The following RBM6 variants were observed in gnomAD, a reference collection of about 807,000 sequenced individuals.
The protein encoded by RBM6 is RNA-binding protein 6.
A neutral mutation model predicts 140.4 loss-of-function variants in RBM6; 23 were observed. The observed-to-expected ratio is 0.16, with a 90% CI of 0.12 to 0.23. RBM6 has a LOEUF of 0.23. Ranked by LOEUF, RBM6 falls within the 10% of genes least tolerant of loss-of-function variation. The pLI is 1.00. For synonymous variants in RBM6, 439 were observed against 475.6 expected (o/e 0.92, Z 1.00); for missense variants, 1,139 against 1,386.7 (o/e 0.82, Z 2.84).
Position 49,967,772 on chromosome 3 carries a change from G to C in RBM6, c.347G>C (p.Arg116Thr), listed in dbSNP as rs1384226530. 6.2e-7 allele frequency: 1 copy of C among 1,614,122 alleles called. No homozygotes were observed. Among genetic ancestry groups the C allele is most frequent in the South Asian group, 1.1e-5 (1 of 91,072 alleles). ...QSRDSSQLDF[R>T]GRDIHSGDFR... ...AGAGATTCATCACAGTTGGACTTCAGGGGTAGGGACATACATTCTGGGGAT... is the reference window on the plus strand; with the variant it reads ...AGAGATTCATCACAGTTGGACTTCACGGGTAGGGACATACATTCTGGGGAT... Residue 116 changes from arginine to threonine, a missense_variant, in exon 3 of 21, where the codon AGG (arginine) becomes ACG (threonine). Arg to Thr is a moderately conservative substitution (Grantham distance 71). This residue lies in a region of RBM6 where 566 missense variants were observed against 612.7 expected (regional missense o/e 0.92). Transcript: ENST00000266022. This position sits in a 1 kb window ranked among gnomAD's most constrained non-coding sequence, Gnocchi z 4.0.
At chr3:50,064,550 C>T (rs1023924367) in intron 15 of RBM6, among the ~76,000 whole-genome samples, 1 of 152,084 alleles carries the variant, frequency 6.6e-6, no homozygotes, top group Non-Finnish European at 1.5e-5. Flanking sequence ...CTCTCTCTGT[C>T]ACCCAGGCTG....
In RBM6 at chr3:50,065,136, A is replaced by G. The variant is rs1460503627; in HGVS notation, c.2682+10A>G. ...AGAGAGTCCCCCTCCAGTAAGACCAACATTGATCCCCTGGACCTAGGGCTG... is the reference window on the plus strand; with the variant it reads ...AGAGAGTCCCCCTCCAGTAAGACCAGCATTGATCCCCTGGACCTAGGGCTG... On this transcript the variant is annotated intron_variant, in intron 16 of 20. Coordinates refer to ENST00000266022, the MANE Select transcript of RBM6 (RefSeq NM_005777.3). The G allele has an allele frequency of 1.3e-6, 2 of 1,594,528 alleles. No individual in the cohort carries two copies. Among genetic ancestry groups the G allele is most frequent in the Non-Finnish European group, 1.7e-6 (2 of 1,164,218 alleles).
Position 50,075,245 on chromosome 3 carries a change from AAGG to A in RBM6, c.3165_3167del (p.Gly1056del). The A allele has an allele frequency of 6.2e-7, 1 of 1,614,164 alleles. No homozygotes were observed. The highest frequency in any genetic ancestry group is 8.5e-7 in the Non-Finnish European group (1 of 1,180,016). ...AAAGAAGATATCGACACTAGCAGCA[AAGG>A]AGGCTGTGTCCAACAGGCTACTGGC... On this transcript the variant is annotated inframe_deletion, in exon 20 of 21. Transcript: ENST00000266022.
chr3:49,980,517 T>A (rs1286613088), intron 5 of RBM6, among the ~76,000 whole-genome samples: 1 of 151,242 alleles, frequency 6.6e-6, no homozygotes, highest in Admixed American at 6.6e-5. Context: ...CCCAGCACTT[T>A]GGGAGGCCAA....
chr3:49,999,480 G>A lies in RBM6; in HGVS notation c.1524G>A (p.Leu508=). 6.2e-7 allele frequency: 1 copy of A among 1,613,890 alleles called. No individual in the cohort carries two copies. The highest frequency in any genetic ancestry group is 8.5e-7 in the Non-Finnish European group (1 of 1,179,882). ...ATGTCTGCGTGGAGTTTTCACTCTTGGAAGATGCCATCGGATGCATGGAGG... is the reference window on the plus strand; with the variant it reads ...ATGTCTGCGTGGAGTTTTCACTCTTAGAAGATGCCATCGGATGCATGGAGG... ...YGYVCVEFSL[L]EDAIGCMEAN... is the part of the protein sequence containing the mutation. Residue 508 remains leucine (L), a synonymous_variant, in exon 6 of 21, where the codon TTG becomes TTA. Transcript: ENST00000266022.
intron 6 of RBM6, among the ~76,000 whole-genome samples, chr3:50,035,635 TCA>T (rs2088487669): frequency 6.6e-6 from 1 of 151,630 alleles, no homozygotes; most frequent in Admixed American, 6.6e-5. Context: ...TGAGCTGAGA[TCA>T]TGCCATTGCA....
chr3:50,028,457 C>T (rs1000452400), intron 6 of RBM6, among the ~76,000 whole-genome samples: 1 of 152,158 alleles, frequency 6.6e-6, no homozygotes, highest in Admixed American at 6.5e-5. Flanking sequence ...CAACTGGCAC[C>T]CTTTAAGGCC....
intron 5 of RBM6, among the ~76,000 whole-genome samples, chr3:49,976,329 C>T (rs972258727): frequency 6.6e-6 from 1 of 152,052 alleles, no homozygotes; most frequent in African/African-American, 2.4e-5. Flanking sequence ...AAATTATCCA[C>T]AAAATAAATT....
chr3:50,029,664 C>T (rs1329437625), intron 6 of RBM6, among the ~76,000 whole-genome samples: 3 of 152,096 alleles, frequency 2.0e-5, no homozygotes, highest in Non-Finnish European at 2.9e-5. Context: ...ACCCAGGAGG[C>T]AGAGGTTGCA....
intron 4 of RBM6, among the ~76,000 whole-genome samples, chr3:49,974,357 C>T (rs1385147724): frequency 6.6e-6 from 1 of 151,824 alleles, no homozygotes; most frequent in Non-Finnish European, 1.5e-5. Context: ...TAGGTGTGAG[C>T]CAGTACTCCT....
chr3:49,944,780 A>G (rs887706803), intron 1 of RBM6, among the ~76,000 whole-genome samples: 2 of 149,854 alleles, frequency 1.3e-5, no homozygotes, highest in African/African-American at 2.5e-5. Context: ...CCAGCCACAA[A>G]TATCAAGTCT....
intron 6 of RBM6, among the ~76,000 whole-genome samples, chr3:50,000,370 CACTGCCTAT>C (rs140464237): frequency 0.029 from 4,338 of 147,130 alleles, 257 homozygotes; most frequent in African/African-American, 0.11. Context: ...TTAATGTACC[CACTGCCTAT>C]ACTTAACAGT....
At chr3:49,955,588 A>G (rs902166506) in intron 1 of RBM6, among the ~76,000 whole-genome samples, 3 of 151,976 alleles carry the variant, frequency 2.0e-5, no homozygotes, top group Non-Finnish European at 2.9e-5. Flanking sequence ...CACGCCTGTA[A>G]TCCCAGCCCT....
intron 1 of RBM6, among the ~76,000 whole-genome samples, chr3:49,949,384 A>AT (rs923797062): frequency 6.9e-4 from 104 of 150,160 alleles, no homozygotes; most frequent in African/African-American, 2.2e-3. Flanking sequence ...TCAGGACAAC[A>AT]TTTTTTTTTG....
At chr3:50,027,711 A>G (rs1170582062) in intron 6 of RBM6, among the ~76,000 whole-genome samples, 1 of 152,232 alleles carries the variant, frequency 6.6e-6, no homozygotes, top group African/African-American at 2.4e-5. Flanking sequence ...CATCATATGG[A>G]TATACCACAT....
chr3:50,052,152 C>T (rs1412949282), intron 7 of RBM6, among the ~76,000 whole-genome samples: 2 of 152,210 alleles, frequency 1.3e-5, no homozygotes, highest in Non-Finnish European at 2.9e-5. Flanking sequence ...ACAACCTCCA[C>T]CTCCCAGGTT....
chr3:49,951,696 G>GTTATTA (rs781572660), intron 1 of RBM6, among the ~76,000 whole-genome samples: 282 of 147,190 alleles, frequency 1.9e-3, no homozygotes, highest in African/African-American at 6.8e-3. Flanking sequence ...TCAGCCTCCA[G>GTTATTA]TTATTATTAT....
At chr3:50,054,507 CCT>C in intron 8 of RBM6, 112 bp downstream of exon 8, 1 of 964,864 alleles carries the variant, frequency 1.0e-6, no homozygotes, top group Non-Finnish European at 1.6e-6. Context: ...GATCTACAAA[CCT>C]TTTTTTTTTT....
chr3:49,993,252 C>T lies in RBM6; in HGVS notation c.1484-6188C>T, dbSNP rs540781876. On this transcript the variant is annotated intron_variant, in intron 5 of 20. Coordinates refer to ENST00000266022, the MANE Select transcript of RBM6 (RefSeq NM_005777.3). Reference sequence around the variant, plus strand: ...CCATCATCAAGATGGAGTGGCCCTGCGATTAATTTTGGACTTAAAGCAAAA... The same window carrying T: ...CCATCATCAAGATGGAGTGGCCCTGTGATTAATTTTGGACTTAAAGCAAAA... 3.3e-5 allele frequency among the ~76,000 whole-genome samples: 5 copies of T among 152,242 alleles called. No homozygotes were observed. The South Asian group carries it at 1.0e-3, about 32-fold the overall frequency.
Sources: allele counts gnomAD v4.1 joint callset (sites outside exome capture counted in the v4.1 genomes callset), GRCh38; gene constraint gnomAD v4.1.1; regional missense constraint gnomAD v4.1.1; non-coding constraint Gnocchi (gnomAD v3.1); transcripts MANE v1.5; gene names NCBI Gene and HGNC (gene_info 2026-07-23, HGNC 2026-07-21).